Variants in SORCS2 observed in about 807,000 individuals in gnomAD.
SORCS2 encodes the protein VPS10 domain-containing receptor SorCS2.
In SORCS2, 100 loss-of-function variants were observed where a neutral mutation model predicts 141.6. The ratio of observed to expected loss-of-function variants is 0.71; its 90% CI spans 0.60 to 0.83. The LOEUF is 0.83. Ranked by LOEUF, SORCS2 falls within the 40% of genes least tolerant of loss-of-function variation. SORCS2 has a pLI of 0.00. For synonymous variants in SORCS2, 789 were observed against 676.9 expected (o/e 1.17, Z -2.57); for missense variants, 1,646 against 1,560.2 (o/e 1.05, Z -0.93).
At chr4:7,456,479 A>AAG (rs921019213) in intron 2 of SORCS2, among the ~76,000 whole-genome samples, 10 of 148,820 alleles carry the variant, frequency 6.7e-5, no homozygotes, top group African/African-American at 9.9e-5. Flanking sequence ...GAAGGGTGAG[A>AAG]GGGGGGGGGC....
chr4:7,221,405 A>G (rs1221368040), intron 1 of SORCS2, among the ~76,000 whole-genome samples: 1 of 152,168 alleles, frequency 6.6e-6, no homozygotes, highest in Non-Finnish European at 1.5e-5. Context: ...AGCCTTTTTC[A>G]GGCTGCGTGA....
chr4:7,322,492 C>G (rs1718960329), intron 1 of SORCS2, among the ~76,000 whole-genome samples: 1 of 152,208 alleles, frequency 6.6e-6, no homozygotes, highest in South Asian at 2.1e-4. Context: ...GGCCTCATCT[C>G]CGCTCTACCA....
intron 1 of SORCS2, among the ~76,000 whole-genome samples, chr4:7,261,476 T>C (rs34557121): frequency 0.19 from 28,193 of 152,216 alleles, 3,028 homozygotes; most frequent in East Asian, 0.41. Flanking sequence ...CCATGGACAT[T>C]TATTTCTCTG....
intron 1 of SORCS2, among the ~76,000 whole-genome samples, chr4:7,295,673 G>A (rs927871052): frequency 2.0e-5 from 3 of 152,224 alleles, no homozygotes; most frequent in African/African-American, 7.2e-5. Flanking sequence ...AGGGTTACTG[G>A]TGTGAACGGG....
In SORCS2 at chr4:7,423,003, C is replaced by A. The variant is rs369466964; in HGVS notation, c.548+26648C>A. ...GCACCTGCCACCCCTCCCCTACCCC[C>A]CACCCCTCTCTCCACTTCTCAGCCT... On this transcript the variant is annotated intron_variant, in intron 2 of 26. Coordinates refer to ENST00000507866, the MANE Select transcript of SORCS2 (RefSeq NM_020777.3). Among the ~76,000 whole-genome samples, 47 of 149,644 alleles carry A rather than the reference C, an allele frequency of 3.1e-4. No individual in the cohort carries two copies. The East Asian group carries it at 6.0e-3, about 19-fold the overall frequency.
At chr4:7,489,594 C>G (rs1731195656) in intron 2 of SORCS2, among the ~76,000 whole-genome samples, 1 of 152,004 alleles carries the variant, frequency 6.6e-6, no homozygotes, top group Non-Finnish European at 1.5e-5. Context: ...TGGTCCCAGA[C>G]AGTGTTCTAA....
Position 7,663,476 on chromosome 4 carries a change from G to T in SORCS2, c.953-877G>T, listed in dbSNP as rs1577914260. Among the ~76,000 whole-genome samples, 1 of 152,254 alleles carries T rather than the reference G, an allele frequency of 6.6e-6. No individual in the cohort carries two copies. The highest frequency in any genetic ancestry group is 2.1e-4 in the South Asian group (1 of 4,834). ...TGTTGAGTGCCGGGCACACCAGTCA[G>T]TTTCAAGGGAACATGGATGTGGCTC... is the stretch of plus-strand genomic sequence containing the variant. On this transcript the variant is annotated intron_variant, in intron 6 of 26. Transcript: ENST00000507866. This position sits in a 1 kb window ranked among gnomAD's most constrained non-coding sequence, Gnocchi z 4.8.
At chr4:7,468,528 C>G (rs983966372) in intron 2 of SORCS2, among the ~76,000 whole-genome samples, 2 of 152,200 alleles carry the variant, frequency 1.3e-5, no homozygotes, top group African/African-American at 4.8e-5. Context: ...GCCAAGAAGC[C>G]TCATGGTTCT....
intron 2 of SORCS2, among the ~76,000 whole-genome samples, chr4:7,400,185 C>G (rs111964619): frequency 7.2e-5 from 11 of 152,152 alleles, no homozygotes; most frequent in African/African-American, 2.7e-4. Context: ...GCTCCTCCCA[C>G]TCTACCTCTT....
At chr4:7,469,474 C>T (rs1009302759) in intron 2 of SORCS2, among the ~76,000 whole-genome samples, 1 of 152,186 alleles carries the variant, frequency 6.6e-6, no homozygotes, top group Non-Finnish European at 1.5e-5. Flanking sequence ...GGCTCCCTGG[C>T]AGGTTAAGAG....
intron 2 of SORCS2, among the ~76,000 whole-genome samples, chr4:7,486,323 G>T (rs1345988346): frequency 2.8e-5 from 1 of 35,300 alleles, no homozygotes; most frequent in Non-Finnish European, 6.7e-5. Flanking sequence ...AGCGCCCGCA[G>T]GCCGGCTGGG....
intron 3 of SORCS2, among the ~76,000 whole-genome samples, chr4:7,628,640 C>A (rs1174254177): frequency 6.6e-6 from 1 of 152,034 alleles, no homozygotes; most frequent in Non-Finnish European, 1.5e-5. Context: ...TAGCAGTGAA[C>A]AAGGCAACCC....
intron 1 of SORCS2, among the ~76,000 whole-genome samples, chr4:7,390,630 C>A (rs918251464): frequency 6.6e-6 from 1 of 152,292 alleles, no homozygotes; most frequent in African/African-American, 2.4e-5. Flanking sequence ...CCCCACTGCA[C>A]AAGAGCAGAG....
chr4:7,338,143 T>C (rs1325431664), intron 1 of SORCS2, among the ~76,000 whole-genome samples: 1 of 150,020 alleles, frequency 6.7e-6, no homozygotes, highest in Non-Finnish European at 1.5e-5. Flanking sequence ...GGATGTTGGT[T>C]GCATGGATGG....
chr4:7,650,674 C>G (rs1361879904), intron 4 of SORCS2, among the ~76,000 whole-genome samples: 1 of 151,922 alleles, frequency 6.6e-6, no homozygotes, highest in Non-Finnish European at 1.5e-5. Context: ...CAGACGCCAG[C>G]TCCGCAGACC....
intron 1 of SORCS2, among the ~76,000 whole-genome samples, chr4:7,211,275 G>A (rs1320270723): frequency 6.6e-6 from 1 of 152,092 alleles, no homozygotes; most frequent in Non-Finnish European, 1.5e-5. Flanking sequence ...CAGAGCTGTG[G>A]CAGAGTTCAG....
chr4:7,418,711 C>CCCA (rs1725855969), intron 2 of SORCS2, among the ~76,000 whole-genome samples: 1 of 119,560 alleles, frequency 8.4e-6, no homozygotes, highest in South Asian at 3.3e-4. Context: ...GACCCCCCCC[C>CCCA]CCACCAGATT....
chr4:7,664,690 C>T lies in SORCS2; in HGVS notation c.1071+219C>T, dbSNP rs1722395195. On this transcript the variant is annotated intron_variant, in intron 7 of 26. Coordinates refer to ENST00000507866, the MANE Select transcript of SORCS2 (RefSeq NM_020777.3). The surrounding 1 kb of genome is among the most constrained non-coding windows in gnomAD (Gnocchi z 4.7). ...ACTGTGGCTCAGGGACACTGAGGCT[C>T]CACCTCCCTTCTGGCCACCACGAAC... Among the ~76,000 whole-genome samples the T allele has an allele frequency of 2.0e-5, 3 of 152,280 alleles. No individual in the cohort carries two copies. The highest frequency in any genetic ancestry group is 3.9e-4 in the East Asian group (2 of 5,168).
At chr4:7,323,227 A>C (rs1388365908) in intron 1 of SORCS2, among the ~76,000 whole-genome samples, 1 of 152,246 alleles carries the variant, frequency 6.6e-6, no homozygotes, top group Non-Finnish European at 1.5e-5. Flanking sequence ...TAATGATAGC[A>C]AAAGAACAAA....
Sources: gnomAD v4.1 joint callset for allele counts (sites outside exome capture counted in the v4.1 genomes callset) on GRCh38, gnomAD v4.1.1 for gene constraint, Gnocchi (gnomAD v3.1) non-coding constraint, MANE v1.5 for transcripts, NCBI Gene and HGNC (gene_info 2026-07-23, HGNC 2026-07-21) for gene names.